Variants in DMC1 observed in about 807,000 individuals in gnomAD.
DMC1 encodes the protein meiotic recombination protein DMC1 homolog.
A neutral mutation model predicts 50.1 loss-of-function variants in DMC1; 27 were observed. The ratio of observed to expected loss-of-function variants is 0.54; its 90% confidence interval spans 0.40 to 0.74. The LOEUF is 0.74. DMC1 is among the 30% of genes least tolerant of loss of function. The pLI, the probability that DMC1 is intolerant of heterozygous loss-of-function variation, is 0.00. For synonymous variants in DMC1, 148 were observed against 136.1 expected (o/e 1.09, Z -0.61); for missense variants, 295 against 420.2 (o/e 0.70, Z 2.60).
At chr22:38,511,498 G>C in the DMC1 span, among the ~76,000 whole-genome samples, 1 of 151,988 alleles carries the variant, frequency 6.6e-6, no homozygotes, top group Non-Finnish European at 1.5e-5. Context: ...GCTGAGGTGG[G>C]AGCGTCACTT....
chr22:38,531,392 A>G (rs559232772), intron 12 of DMC1, among the ~76,000 whole-genome samples: 1 of 152,236 alleles, frequency 6.6e-6, no homozygotes, highest in Non-Finnish European at 1.5e-5. Flanking sequence ...TAAGATGTGC[A>G]ATCAAGTATA....
chr22:38,548,410 C>A (rs1365040286), intron 8 of DMC1, among the ~76,000 whole-genome samples: 4 of 152,006 alleles, frequency 2.6e-5, no homozygotes, highest in Admixed American at 1.3e-4. Context: ...CTGGTCTCTA[C>A]AAAAGATAAA....
Position 38,568,202 on chromosome 22 carries a change from A to T in DMC1, c.51+4T>A. ...CTATATATCTTTCAACATTTTAGTC[A>T]TACCTCTTCATCTTGGAATCCTGGT... On this transcript the variant is annotated splice_donor_region_variant and intron_variant, in intron 2 of 13. Coordinates refer to ENST00000216024, the MANE Select transcript of DMC1 (RefSeq NM_007068.4). 1.2e-6 allele frequency: 2 copies of T among 1,613,820 alleles called. No homozygotes were observed. The highest frequency in any genetic ancestry group is 1.7e-6 in the Non-Finnish European group (2 of 1,179,688).
At chr22:38,564,746 A>G (rs2090564617) in intron 4 of DMC1, among the ~76,000 whole-genome samples, 1 of 152,246 alleles carries the variant, frequency 6.6e-6, no homozygotes, top group Non-Finnish European at 1.5e-5. Context: ...TTTAATTTCC[A>G]AAGAAAACAA....
chr22:38,519,906 T>C lies in DMC1; in HGVS notation c.*114A>G, dbSNP rs1168566362. The C allele has an allele frequency of 2.1e-5, 17 of 818,474 alleles. No homozygotes were observed. Among genetic ancestry groups the C allele is most frequent in the Non-Finnish European group, 3.4e-5 (16 of 475,040 alleles). The allele number at this position is 818,474 out of a possible 1,614,324, so 50.7% of individuals were successfully genotyped here. A position where few individuals can be genotyped will look rare whatever the true frequency, so the allele number is the denominator to read the frequency against. ...AGATTTAAATCTCTTTGCTGACTTT[T>C]CTTTAGTAACATGTGGGAAAAAACC... On this transcript the variant is annotated 3_prime_UTR_variant, in exon 14 of 14. Transcript: ENST00000216024.
intron 5 of DMC1, among the ~76,000 whole-genome samples, chr22:38,559,275 C>A (rs2090500829): frequency 6.6e-6 from 1 of 152,160 alleles, no homozygotes. Context: ...AAGTGATCCA[C>A]CCGCCTCGGC....
At chr22:38,568,077 A>T (rs2090598639) in intron 2 of DMC1, 129 bp downstream of exon 2, 3 of 821,006 alleles carry the variant, frequency 3.7e-6, no homozygotes, top group Non-Finnish European at 6.1e-6. Context: ...ACAAGTTGTT[A>T]CATATTTGCA....
rs2090600453 is a variant in DMC1 at position 38,568,195 on chromosome 22, T to C, written c.51+11A>G. On this transcript the variant is annotated intron_variant, in intron 2 of 13. Transcript: ENST00000216024. ...CGAATGTCTATATATCTTTCAACAT[T>C]TTAGTCATACCTCTTCATCTTGGAA... 6.2e-7 allele frequency: 1 copy of C among 1,613,326 alleles called. No homozygotes were observed. Among genetic ancestry groups the C allele is most frequent in the African/African-American group, 1.3e-5 (1 of 74,932 alleles).
rs1156987978 is a variant in DMC1 at position 38,519,639 on chromosome 22, T to C, written c.*381A>G. Reference sequence around the variant, plus strand: ...GACATTTCTGAACTCTTAGACTTTCTGTTTAGTGGCTCACTTTGAAAAGTG... The same window carrying C: ...GACATTTCTGAACTCTTAGACTTTCCGTTTAGTGGCTCACTTTGAAAAGTG... On this transcript the variant is annotated 3_prime_UTR_variant, in exon 14 of 14. Coordinates refer to ENST00000216024, the MANE Select transcript of DMC1 (RefSeq NM_007068.4). 7.3e-6 allele frequency: 2 copies of C among 272,804 alleles called. No individual in the cohort carries two copies. The highest frequency in any genetic ancestry group is 4.4e-5 in the African/African-American group (2 of 45,070). The allele number at this position is 272,804 out of a possible 1,614,324, so 16.9% of individuals were successfully genotyped here.
Position 38,520,025 on chromosome 22 carries a change from C to A in DMC1, c.1018G>T (p.Glu340Ter). ...AATTTGCATCAATTCACCACCTACTCCTTGGCATCCCCAATTCCTCCAGCA... is the reference window on the plus strand; with the variant it reads ...AATTTGCATCAATTCACCACCTACTACTTGGCATCCCCAATTCCTCCAGCA... ...ITAGGIGDAK[E>*] The change falls in exon 14 of 14, where the codon GAG (glutamate) becomes TAG (stop). Residue 340 changes from glutamate (E) to a stop codon, truncating the protein, a stop_gained. Coordinates refer to ENST00000216024, the MANE Select transcript of DMC1 (RefSeq NM_007068.4). LOFTEE classifies it high-confidence loss of function. 6.2e-7 allele frequency: 1 copy of A among 1,613,602 alleles called. No homozygotes were observed. The highest frequency in any genetic ancestry group is 1.1e-5 in the South Asian group (1 of 91,070).
chr22:38,564,484 A>AT (rs2090561236), intron 4 of DMC1, among the ~76,000 whole-genome samples: 1 of 151,802 alleles, frequency 6.6e-6, no homozygotes, highest in Admixed American at 6.6e-5. Context: ...TAATTTTTGT[A>AT]TTTTTAGTAG....
At chr22:38,553,711 C>T (rs2090438660) in intron 6 of DMC1, among the ~76,000 whole-genome samples, 1 of 151,694 alleles carries the variant, frequency 6.6e-6, no homozygotes, top group Admixed American at 6.6e-5. Context: ...GTAATCCTAG[C>T]ACTTTGGGAG....
intron 12 of DMC1, among the ~76,000 whole-genome samples, chr22:38,525,158 C>T (rs2090074183): frequency 6.6e-6 from 1 of 152,152 alleles, no homozygotes; most frequent in African/African-American, 2.4e-5. Context: ...AATATCTGTT[C>T]ATCTTTGAAA....
chr22:38,525,367 C>T (rs1220510703), intron 12 of DMC1, among the ~76,000 whole-genome samples: 1 of 152,064 alleles, frequency 6.6e-6, no homozygotes, highest in Non-Finnish European at 1.5e-5. Context: ...ATAGATTCCC[C>T]CAGTTGAAGC....
At chr22:38,531,744 G>A (rs2090154012) in intron 12 of DMC1, among the ~76,000 whole-genome samples, 1 of 152,116 alleles carries the variant, frequency 6.6e-6, no homozygotes, top group African/African-American at 2.4e-5. Context: ...ATGTTTCAGA[G>A]TTGACTTACC....
chr22:38,546,350 T>C (rs912521702), intron 8 of DMC1, among the ~76,000 whole-genome samples: 7 of 151,914 alleles, frequency 4.6e-5, no homozygotes, highest in South Asian at 4.2e-4. Flanking sequence ...GATCGCACCA[T>C]TGCACTCCAG....
chr22:38,569,563 A>G (rs769379995), intron 1 of DMC1, among the ~76,000 whole-genome samples: 13 of 152,168 alleles, frequency 8.5e-5, no homozygotes, highest in Admixed American at 6.5e-4. Flanking sequence ...TACTGTCCCC[A>G]TCGAAGAGAA....
chr22:38,567,692 T>A, intron 2 of DMC1, 65 bp from the exon 3 acceptor site: 1 of 1,238,508 alleles, frequency 8.1e-7, no homozygotes, highest in Non-Finnish European at 1.2e-6. Context: ...TCACATCTTT[T>A]AAAGAGGTAA....
intron 8 of DMC1, among the ~76,000 whole-genome samples, chr22:38,541,527 A>C (rs2090280768): frequency 6.6e-6 from 1 of 152,170 alleles, no homozygotes; most frequent in African/African-American, 2.4e-5. Context: ...CCTGACTTCA[A>C]GTGTTCCACC....
Sources: gnomAD v4.1 joint callset for allele counts (sites outside exome capture counted in the v4.1 genomes callset) on GRCh38, gnomAD v4.1.1 for gene constraint, MANE v1.5 for transcripts, NCBI Gene and HGNC (gene_info 2026-07-23, HGNC 2026-07-21) for gene names.